Variants in NLGN4X observed in about 807,000 individuals in gnomAD.
NLGN4X encodes neuroligin 4 X-linked, also known as neuroligin-4, X-linked.
A neutral mutation model predicts 40.3 loss-of-function variants in NLGN4X; 3 were observed. The ratio of observed to expected loss-of-function variants is 0.07; its 90% CI spans 0.03 to 0.19. The LOEUF is 0.19. NLGN4X is among the 10% of genes least tolerant of loss of function. The pLI, the probability that NLGN4X is intolerant of heterozygous loss-of-function variation, is 1.00. For missense variants in NLGN4X, 382 were observed against 708.3 expected, an observed-to-expected ratio of 0.54 and a Z score of 5.23; for synonymous variants, 270 against 306.8, an observed-to-expected ratio of 0.88 and a Z score of 1.25.
chrX:6,020,139 T>C (rs1257953067), intron 3 of NLGN4X, among the ~76,000 whole-genome samples: 1 of 111,696 alleles, frequency 9.0e-6, no homozygotes, highest in Admixed American at 9.5e-5. Flanking sequence ...TGAAGAGAAA[T>C]CTGCACTCCC....
intron 2 of NLGN4X, among the ~76,000 whole-genome samples, chrX:6,056,966 G>A (rs181685247): frequency 9.6e-4 from 108 of 112,013 alleles, no homozygotes; most frequent in African/African-American, 3.3e-3. Flanking sequence ...TAGCTCCTGG[G>A]AAGTGACTTT....
At chrX:6,021,045 T>TCTCTCCCCCTCC (rs2036527782) in intron 3 of NLGN4X, among the ~76,000 whole-genome samples, 1 of 22,997 alleles carries the variant, frequency 4.3e-5, no homozygotes, top group African/African-American at 3.1e-4. Flanking sequence ...TCTCTCTCTC[T>TCTCTCCCCCTCC]CTCCCTCCCT....
At chrX:6,187,480 C>T (rs1240434765) in intron 1 of NLGN4X, 1 of 111,779 alleles carries the variant, frequency 8.9e-6, no homozygotes, top group Non-Finnish European at 1.9e-5. Context: ...CACATTTCCG[C>T]ACCCGATGCC....
At chrX:6,225,816 C>T (rs1027950591) in intron 1 of NLGN4X, among the ~76,000 whole-genome samples, 2 of 95,995 alleles carry the variant, frequency 2.1e-5, no homozygotes, top group Admixed American at 2.4e-4. Flanking sequence ...CAACGCGCTC[C>T]GATGTAAACC....
intron 3 of NLGN4X, among the ~76,000 whole-genome samples, chrX:5,968,854 C>T (rs1420037060): frequency 9.1e-6 from 1 of 109,575 alleles, no homozygotes; most frequent in Admixed American, 9.9e-5. Flanking sequence ...CCATAATTAG[C>T]TTGGTCCTTG....
rs749708783 is a variant in NLGN4X at position 6,094,645 on chromosome X, TGGGG to T, written c.472+56346_472+56349del. ...CCTACTTCACATTTCTGTTATGGGG[TGGGG>T]GGATACTAGACAGGGTATGCATTGC... On this transcript the variant is annotated intron_variant, in intron 2 of 5. Coordinates refer to ENST00000381095, the MANE Select transcript of NLGN4X (RefSeq NM_181332.3). 1.1e-4 allele frequency among the ~76,000 whole-genome samples: 12 copies of T among 110,826 alleles called. No homozygotes were observed. The South Asian group carries it at 4.7e-3, about 43-fold the overall frequency.
chrX:6,173,894 T>TA (rs1037891556), intron 1 of NLGN4X, among the ~76,000 whole-genome samples: 3 of 110,661 alleles, frequency 2.7e-5, no homozygotes, highest in Admixed American at 9.7e-5. Flanking sequence ...CTGTCTCTAC[T>TA]AAAAAAATAC....
intron 2 of NLGN4X, among the ~76,000 whole-genome samples, chrX:6,078,157 C>T (rs1569224714): frequency 8.9e-6 from 1 of 111,778 alleles, no homozygotes; most frequent in Non-Finnish European, 1.9e-5. Context: ...TAGATGTTAT[C>T]GTTGCTTCAT....
intron 3 of NLGN4X, among the ~76,000 whole-genome samples, chrX:5,920,892 A>G (rs1174138570): frequency 9.0e-6 from 1 of 110,590 alleles, no homozygotes; most frequent in Non-Finnish European, 1.9e-5. Flanking sequence ...GAACAAAACG[A>G]TGAATGTGAA....
At chrX:6,039,938 T>C (rs1194378605) in intron 2 of NLGN4X, among the ~76,000 whole-genome samples, 1 of 111,381 alleles carries the variant, frequency 9.0e-6, no homozygotes, top group African/African-American at 3.3e-5. Flanking sequence ...AATATGCATT[T>C]TGTTTGTTTG....
intron 2 of NLGN4X, among the ~76,000 whole-genome samples, chrX:6,106,102 A>C (rs912383939): frequency 8.9e-6 from 1 of 111,957 alleles, no homozygotes; most frequent in Non-Finnish European, 1.9e-5. Flanking sequence ...AATCAAACTC[A>C]TTAATATTCC....
At chrX:6,047,587 C>A (rs772718395) in intron 2 of NLGN4X, among the ~76,000 whole-genome samples, 16 of 112,278 alleles carry the variant, frequency 1.4e-4, no homozygotes, top group Non-Finnish European at 3.0e-4. Context: ...AGCAGCCTTG[C>A]AGAGGCTGTT....
chrX:6,140,998 A>T (rs1411876465), intron 2 of NLGN4X, among the ~76,000 whole-genome samples: 5 of 111,590 alleles, frequency 4.5e-5, no homozygotes, highest in Admixed American at 1.9e-4. Flanking sequence ...GCATGAAGAG[A>T]TCACTCCTTT....
rs192819353 is a variant in NLGN4X, at chrX:6,042,818, G to A, written c.473-13386C>T. Among the ~76,000 whole-genome samples, 78 of 100,010 alleles carry A rather than the reference G, an allele frequency of 7.8e-4. 2 individuals are homozygous for A. In the East Asian group the frequency reaches 0.02, roughly 26 times the overall value. 86.8% of individuals were successfully genotyped at this position (100,010 alleles called of 115,157 possible). A position where few individuals can be genotyped will look rare whatever the true frequency, so the allele number is the denominator to read the frequency against. ...ATGCCTGGCGCAGTGGCTCACGCCTGTAATCCTGGCACTTTGGGAGGCCAG... is the reference window on the plus strand; with the variant it reads ...ATGCCTGGCGCAGTGGCTCACGCCTATAATCCTGGCACTTTGGGAGGCCAG... On this transcript the variant is annotated intron_variant, in intron 2 of 5. Transcript: ENST00000381095.
At chrX:6,109,317 AT>A (rs1234041480) in intron 2 of NLGN4X, among the ~76,000 whole-genome samples, 126 of 111,766 alleles carry the variant, frequency 1.1e-3, no homozygotes, top group Non-Finnish European at 2.1e-3. Flanking sequence ...TGCATTTACA[AT>A]TTTATAAACC....
chrX:6,220,416 T>G (rs1023091984), intron 1 of NLGN4X, among the ~76,000 whole-genome samples: 16 of 104,567 alleles, frequency 1.5e-4, no homozygotes, highest in African/African-American at 5.6e-4. Context: ...AGTTTAGCGT[T>G]GGTAAAGGGT....
In NLGN4X at chrX:6,225,047, G is replaced by T. The variant is rs763707913; in HGVS notation, c.-306+3494C>A. ...ACACATATATGTAGAAATGTAGAAT[G>T]CGTGTGTGTATGTCTGTATACACAC... On this transcript the variant is annotated intron_variant, in intron 1 of 5. Transcript: ENST00000381095. Among the ~76,000 whole-genome samples, 6 of 91,914 alleles carry T rather than the reference G, an allele frequency of 6.5e-5. No individual in the cohort carries two copies. The East Asian group carries it at 2.1e-3, about 31-fold the overall frequency. The allele number at this position is 91,914 out of a possible 115,157, so 79.8% of individuals were successfully genotyped here. A position where few individuals can be genotyped will look rare whatever the true frequency, so the allele number is the denominator to read the frequency against.
At chrX:5,902,171 T>C (rs905106243) in intron 5 of NLGN4X, among the ~76,000 whole-genome samples, 32 of 110,935 alleles carry the variant, frequency 2.9e-4, no homozygotes, top group Middle Eastern at 4.6e-3. Flanking sequence ...GGTGGGAAGA[T>C]CACTTGAGCC....
In NLGN4X at chrX:6,156,480, G is replaced by C. The variant is rs910260746; in HGVS notation, c.-305-4709C>G. Among the ~76,000 whole-genome samples the C allele has an allele frequency of 1.7e-4, 19 of 112,127 alleles. No individual in the cohort carries two copies. In the Admixed American group the frequency reaches 1.7e-3, roughly 10 times the overall value. Reference sequence around the variant, plus strand: ...GCCAAGATCGCGCCACTGCACTCCAGCCTGGGCAACAGAGCGAGACTCCGT... The same window carrying C: ...GCCAAGATCGCGCCACTGCACTCCACCCTGGGCAACAGAGCGAGACTCCGT... On this transcript the variant is annotated intron_variant, in intron 1 of 5. Coordinates refer to ENST00000381095, the MANE Select transcript of NLGN4X (RefSeq NM_181332.3).
Sources: allele counts gnomAD v4.1 joint callset (sites outside exome capture counted in the v4.1 genomes callset), GRCh38; gene constraint gnomAD v4.1.1; transcripts MANE v1.5; gene names NCBI Gene and HGNC (gene_info 2026-07-23, HGNC 2026-07-21).